The following SPON1 variants were observed in gnomAD, a reference collection of about 807,000 sequenced individuals.
SPON1 encodes spondin-1.
Under a neutral mutation model 111.7 loss-of-function variants are expected in SPON1, and 52 were observed. That is an observed-to-expected ratio of 0.47 (90% CI 0.37 to 0.59). SPON1 has a LOEUF of 0.59. Among genes scored for constraint, SPON1 ranks in the 20% least tolerant of loss-of-function variants. The pLI is 0.00. For missense variants in SPON1, 957 were observed against 1,068.5 expected (o/e 0.90, Z 1.46); for synonymous variants, 410 against 395.8 (o/e 1.04, Z -0.43).
At chr11:14,152,344 C>T (rs1847798051) in intron 6 of SPON1, among the ~76,000 whole-genome samples, 1 of 152,188 alleles carries the variant, frequency 6.6e-6, no homozygotes, top group Admixed American at 6.5e-5. Flanking sequence ...CTTAATTTAT[C>T]TTCTATTCAA....
chr11:14,169,473 C>A lies in SPON1; in HGVS notation c.825+33905C>A, dbSNP rs538498869. Among the ~76,000 whole-genome samples, 8 of 151,882 alleles carry A rather than the reference C, an allele frequency of 5.3e-5. No homozygotes were observed. The South Asian group carries it at 1.7e-3, about 32-fold the overall frequency. On this transcript the variant is annotated intron_variant, in intron 6 of 15. Transcript: ENST00000576479. ...TGCCTGTTCACTCTGATGGTAGTTT[C>A]TTTTGCTCTGCAGAAGCTCTTGAGT...
intron 4 of SPON1, among the ~76,000 whole-genome samples, chr11:14,078,501 C>T (rs144898649): frequency 6.6e-6 from 1 of 152,068 alleles, no homozygotes; most frequent in East Asian, 1.9e-4. Flanking sequence ...AAAAGCAATA[C>T]AGAAACAATA....
chr11:14,190,789 C>T (rs564008031), intron 6 of SPON1, among the ~76,000 whole-genome samples: 60 of 151,762 alleles, frequency 4.0e-4, no homozygotes, highest in Non-Finnish European at 7.4e-4. Flanking sequence ...TAAAGGGGCC[C>T]GCCACCGTGC....
chr11:13,971,114 G>T (rs1848060152), intron 1 of SPON1, among the ~76,000 whole-genome samples: 1 of 152,194 alleles, frequency 6.6e-6, no homozygotes, highest in Non-Finnish European at 1.5e-5. Flanking sequence ...AGCACCCAAG[G>T]GATGGCAGAC....
intron 6 of SPON1, among the ~76,000 whole-genome samples, chr11:14,184,839 A>G (rs782265906): frequency 5.3e-5 from 8 of 152,204 alleles, no homozygotes; most frequent in Non-Finnish European, 1.0e-4. Flanking sequence ...GGGATCCCTG[A>G]AAGCTCTGGT....
chr11:14,074,126 T>G (rs1848898541), intron 3 of SPON1, among the ~76,000 whole-genome samples: 1 of 152,366 alleles, frequency 6.6e-6, no homozygotes, highest in East Asian at 1.9e-4. Flanking sequence ...AACTTTCTTT[T>G]GCTTCATAGT....
chr11:14,099,336 T>C (rs1025848029), intron 5 of SPON1, among the ~76,000 whole-genome samples: 1 of 152,208 alleles, frequency 6.6e-6, no homozygotes, highest in Non-Finnish European at 1.5e-5. Context: ...TTTACACACA[T>C]CCACTTTTAT....
intron 5 of SPON1, among the ~76,000 whole-genome samples, chr11:14,092,678 A>G (rs901201868): frequency 2.6e-5 from 4 of 152,212 alleles, no homozygotes; most frequent in African/African-American, 7.2e-5. Flanking sequence ...GACCTCTGGC[A>G]TTCCCTATCT....
intron 2 of SPON1, among the ~76,000 whole-genome samples, chr11:14,035,156 ATG>A (rs1554916483): frequency 6.6e-6 from 1 of 152,142 alleles, no homozygotes; most frequent in Non-Finnish European, 1.5e-5. Flanking sequence ...GGTCCAGTGT[ATG>A]TGGTTTCATG....
chr11:14,052,600 T>A (rs1848716198), intron 3 of SPON1, among the ~76,000 whole-genome samples: 1 of 152,088 alleles, frequency 6.6e-6, no homozygotes, highest in Non-Finnish European at 1.5e-5. Flanking sequence ...GGGAGAGCAG[T>A]TGGAAAGACC....
At chr11:14,108,747 T>G (rs1849204046) in intron 5 of SPON1, among the ~76,000 whole-genome samples, 1 of 152,184 alleles carries the variant, frequency 6.6e-6, no homozygotes, top group Non-Finnish European at 1.5e-5. Context: ...AGTTAGTATT[T>G]GATGACCTTT....
At chr11:14,031,553 C>G (rs1230538119) in intron 2 of SPON1, among the ~76,000 whole-genome samples, 1 of 151,932 alleles carries the variant, frequency 6.6e-6, no homozygotes, top group East Asian at 1.9e-4. Flanking sequence ...GAAAAAGAAA[C>G]AAGACACATT....
intron 2 of SPON1, among the ~76,000 whole-genome samples, chr11:14,002,076 C>T (rs1280859204): frequency 6.6e-6 from 1 of 151,984 alleles, no homozygotes; most frequent in East Asian, 1.9e-4. Context: ...GGAAAACAAG[C>T]AAAACTGGTA....
intron 5 of SPON1, among the ~76,000 whole-genome samples, chr11:14,114,711 C>A (rs891259770): frequency 6.6e-6 from 1 of 152,176 alleles, no homozygotes; most frequent in Admixed American, 6.5e-5. Context: ...TCTGTATTGG[C>A]GGCCCTCCTC....
chr11:14,225,786 A>G (rs1848732277), intron 6 of SPON1, among the ~76,000 whole-genome samples: 2 of 152,186 alleles, frequency 1.3e-5, no homozygotes, highest in Admixed American at 6.5e-5. Context: ...ACAGGGTTGC[A>G]AAAGTAAGGA....
At chr11:14,114,914 T>C (rs1554925842) in intron 5 of SPON1, among the ~76,000 whole-genome samples, 2 of 152,182 alleles carry the variant, frequency 1.3e-5, no homozygotes, top group Non-Finnish European at 2.9e-5. Context: ...TAAAGTAAGG[T>C]GGACCAAACT....
rs139370100 is a variant in SPON1 at position 14,261,847 on chromosome 11, G to GA, written c.1997-855dup. On this transcript the variant is annotated intron_variant, in intron 14 of 15. Transcript: ENST00000576479. ...TCTCATTTAATCCTTACAACCTAATGAAAAAAAAAATACCATGATCCCCAT... is the reference window on the plus strand; with the variant it reads ...TCTCATTTAATCCTTACAACCTAATGAAAAAAAAAAATACCATGATCCCCAT... Among the ~76,000 whole-genome samples, 282 of 149,008 alleles carry GA rather than the reference G, an allele frequency of 1.9e-3. 4 individuals are homozygous for GA. The highest frequency in any genetic ancestry group is 3.1e-3 in the African/African-American group (125 of 40,616).
chr11:14,246,066 C>A (rs1361524493), intron 7 of SPON1, among the ~76,000 whole-genome samples: 1 of 152,214 alleles, frequency 6.6e-6, no homozygotes, highest in Non-Finnish European at 1.5e-5. Flanking sequence ...CCCCTCACTT[C>A]TGGTCCTCTA....
chr11:14,175,097 G>C (rs782107909), intron 6 of SPON1, among the ~76,000 whole-genome samples: 5 of 152,168 alleles, frequency 3.3e-5, no homozygotes, highest in Non-Finnish European at 5.9e-5. Context: ...AAACCAGAAA[G>C]GAATCATTCC....
Sources: gnomAD v4.1 joint callset for allele counts (sites outside exome capture counted in the v4.1 genomes callset) on GRCh38, gnomAD v4.1.1 for gene constraint, MANE v1.5 for transcripts, NCBI Gene and HGNC (gene_info 2026-07-23, HGNC 2026-07-21) for gene names.